The following ADGRG7 variants were observed in gnomAD, a reference collection of about 807,000 sequenced individuals.
ADGRG7 encodes the protein G-protein coupled receptor 128.
In ADGRG7, 82 loss-of-function variants were observed where a neutral mutation model predicts 88.6. The ratio of observed to expected loss-of-function variants is 0.93; its 90% CI spans 0.77 to 1.11. The LOEUF (loss-of-function observed/expected upper bound fraction) is 1.11, where lower values mean the gene tolerates loss of function less well. Among genes scored for constraint, ADGRG7 ranks in the 50% most tolerant of loss-of-function variants. ADGRG7 has a pLI of 0.00. For missense variants in ADGRG7, 945 were observed against 953.4 expected, an observed-to-expected ratio of 0.99 and a Z score of 0.12; for synonymous variants, 381 against 345.2, an observed-to-expected ratio of 1.10 and a Z score of -1.15.
In ADGRG7 at chr3:100,652,907, G is replaced by A. The variant is rs1192015189; in HGVS notation, c.1380-1928G>A. ...GAGCAAAGACATTAGGTAAGCATGA[G>A]AAGGGAAAAAAAGGCAATTTTAAAG... On this transcript the variant is annotated intron_variant, in intron 11 of 15. Transcript: ENST00000273352. 2.0e-5 allele frequency among the ~76,000 whole-genome samples: 3 copies of A among 151,944 alleles called. No individual in the cohort carries two copies. In the East Asian group the frequency reaches 5.8e-4, roughly 29 times the overall value.
chr3:100,630,693 T>G lies in ADGRG7; in HGVS notation c.230-12T>G, dbSNP rs1391598056. 2.2e-5 allele frequency: 28 copies of G among 1,267,468 alleles called. No individual in the cohort carries two copies. The highest frequency in any genetic ancestry group is 2.9e-5 in the Non-Finnish European group (28 of 959,076). The allele number at this position is 1,267,468 out of a possible 1,614,324, so 78.5% of individuals were successfully genotyped here. On this transcript the variant is annotated splice_polypyrimidine_tract_variant and intron_variant, in intron 2 of 15. Coordinates refer to ENST00000273352, the MANE Select transcript of ADGRG7 (RefSeq NM_032787.3). ...ACAATTTATAATAAAGAACTTTTTC[T>G]CTTTATTACAGCTAATTTTTGTGAA...
At chr3:100,630,633 C>T in intron 2 of ADGRG7, 72 bp from the exon 3 acceptor site, 1 of 664,504 alleles carries the variant, frequency 1.5e-6, no homozygotes, top group Non-Finnish European at 2.2e-6. Flanking sequence ...AGGTTCTGAC[C>T]TTTGACTTTT....
At chr3:100,687,892 A>G (rs2094985816) in intron 15 of ADGRG7, among the ~76,000 whole-genome samples, 1 of 152,284 alleles carries the variant, frequency 6.6e-6, no homozygotes, top group South Asian at 2.1e-4. Flanking sequence ...CTGGTCTCAT[A>G]AAATGAGTTA....
chr3:100,613,136 C>T (rs555785553), intron 1 of ADGRG7, among the ~76,000 whole-genome samples: 17 of 152,244 alleles, frequency 1.1e-4, no homozygotes, highest in South Asian at 6.2e-4. Context: ...GTGATCTGCC[C>T]GCCTCGGCCT....
intron 5 of ADGRG7, among the ~76,000 whole-genome samples, chr3:100,636,575 T>C (rs4928070): frequency 0.64 from 96,920 of 151,924 alleles, 31,985 homozygotes; most frequent in East Asian, 0.99. Flanking sequence ...ACCTTGTGTA[T>C]AGGTTGAATA....
In ADGRG7 at chr3:100,656,725, A is replaced by T. The variant is rs550929541; in HGVS notation, c.1823+730A>T. Among the ~76,000 whole-genome samples, 4 of 152,192 alleles carry T rather than the reference A, an allele frequency of 2.6e-5. No homozygotes were observed. The South Asian group carries it at 8.3e-4, about 32-fold the overall frequency. Reference sequence around the variant, plus strand: ...CAAATTCCACCGGAAGTCCCAAACCAACGCAAATGAAAGCAAAACTTTTGG... The same window carrying T: ...CAAATTCCACCGGAAGTCCCAAACCTACGCAAATGAAAGCAAAACTTTTGG... On this transcript the variant is annotated intron_variant, in intron 13 of 15. Coordinates refer to ENST00000273352, the MANE Select transcript of ADGRG7 (RefSeq NM_032787.3).
At chr3:100,646,218 G>C (rs530739237) in intron 9 of ADGRG7, 110 bp downstream of exon 9, 37 of 638,790 alleles carry the variant, frequency 5.8e-5, no homozygotes, top group African/African-American at 4.9e-4. Context: ...ATAGGAGGGC[G>C]GGGGGGAGGG....
chr3:100,640,441 G>A (rs1194600712), intron 6 of ADGRG7, among the ~76,000 whole-genome samples: 3 of 152,166 alleles, frequency 2.0e-5, no homozygotes, highest in African/African-American at 4.8e-5. Flanking sequence ...CTGTCAAAGT[G>A]GGCAGAGCTC....
intron 15 of ADGRG7, 139 bp from the exon 16 acceptor site, chr3:100,694,605 T>C (rs1008501168): frequency 5.2e-6 from 4 of 766,266 alleles, no homozygotes; most frequent in Non-Finnish European, 8.2e-6. Context: ...AAAAAGTGCA[T>C]GGCAGCTGCA....
chr3:100,688,729 G>A (rs1417230842), intron 15 of ADGRG7, among the ~76,000 whole-genome samples: 1 of 152,180 alleles, frequency 6.6e-6, no homozygotes, highest in Non-Finnish European at 1.5e-5. Context: ...TGATTGCACT[G>A]TGGTCTGACA....
chr3:100,645,184 T>C (rs1441510790), intron 8 of ADGRG7, among the ~76,000 whole-genome samples: 3 of 152,218 alleles, frequency 2.0e-5, no homozygotes, highest in Non-Finnish European at 4.4e-5. Context: ...ATGCCAACAG[T>C]TGTATAAGGT....
intron 1 of ADGRG7, among the ~76,000 whole-genome samples, chr3:100,621,219 C>T (rs1488000822): frequency 1.3e-5 from 2 of 152,052 alleles, no homozygotes; most frequent in Non-Finnish European, 2.9e-5. Flanking sequence ...CTACAATGGC[C>T]TCTAACTATT....
rs146961375 is a variant in ADGRG7 at position 100,667,521 on chromosome 3, G to T, written c.1980-1428G>T. Among the ~76,000 whole-genome samples the T allele has an allele frequency of 2.0e-3, 310 of 152,220 alleles. 1 individual carries two copies. In the Middle Eastern group the frequency reaches 0.024, roughly 12 times the overall value. On this transcript the variant is annotated intron_variant, in intron 14 of 15. Coordinates refer to ENST00000273352, the MANE Select transcript of ADGRG7 (RefSeq NM_032787.3). ...GGACATGAACTTATCCTTTTTTATGGCTGCATAGTATTCCATGGTGTATAT... is the reference window on the plus strand; with the variant it reads ...GGACATGAACTTATCCTTTTTTATGTCTGCATAGTATTCCATGGTGTATAT...
chr3:100,686,098 T>A (rs2094982147), intron 15 of ADGRG7, among the ~76,000 whole-genome samples: 1 of 151,650 alleles, frequency 6.6e-6, no homozygotes, highest in Non-Finnish European at 1.5e-5. Flanking sequence ...CTCATTGTGG[T>A]TTTGATTTGC....
intron 13 of ADGRG7, among the ~76,000 whole-genome samples, chr3:100,658,342 C>T (rs1329411168): frequency 6.6e-6 from 1 of 152,148 alleles, no homozygotes; most frequent in East Asian, 1.9e-4. Flanking sequence ...CAGTTTTTGC[C>T]ATTACTTTTG....
At chr3:100,671,053 T>C (rs75530106) in intron 15 of ADGRG7, among the ~76,000 whole-genome samples, 1 of 152,210 alleles carries the variant, frequency 6.6e-6, no homozygotes, top group Non-Finnish European at 1.5e-5. Context: ...TTATAATCCT[T>C]TGGGTATATA....
At chr3:100,624,115 C>T (rs547995096) in intron 1 of ADGRG7, among the ~76,000 whole-genome samples, 1 of 152,182 alleles carries the variant, frequency 6.6e-6, no homozygotes, top group African/African-American at 2.4e-5. Flanking sequence ...AATTGCCACA[C>T]TTTCTTCCAG....
chr3:100,622,310 G>A (rs192904533), intron 1 of ADGRG7, among the ~76,000 whole-genome samples: 10 of 129,832 alleles, frequency 7.7e-5, no homozygotes, highest in South Asian at 4.7e-4. Flanking sequence ...AGTTGTTTCC[G>A]CAATATTTGT....
chr3:100,675,663 A>G (rs939806025), intron 15 of ADGRG7, among the ~76,000 whole-genome samples: 1 of 151,418 alleles, frequency 6.6e-6, no homozygotes, highest in Non-Finnish European at 1.5e-5. Flanking sequence ...TATTTTTTGG[A>G]GTAGTTTGAG....
Sources: gnomAD v4.1 joint callset for allele counts (sites outside exome capture counted in the v4.1 genomes callset) on GRCh38, gnomAD v4.1.1 for gene constraint, MANE v1.5 for transcripts, NCBI Gene and HGNC (gene_info 2026-07-23, HGNC 2026-07-21) for gene names.